Variants in ADGRA2 observed in about 807,000 individuals in gnomAD.
The protein encoded by ADGRA2 is adhesion G protein-coupled receptor A2.
ADGRA2 carries 61 observed loss-of-function variants against 98.7 expected under a neutral mutation model. That is an observed-to-expected ratio of 0.62 (90% confidence interval 0.50 to 0.76). ADGRA2 has a LOEUF of 0.76. ADGRA2 is among the 30% of genes least tolerant of loss of function. The pLI is 0.00. For synonymous variants in ADGRA2, 858 were observed against 831.5 expected, an observed-to-expected ratio of 1.03 and a Z score of -0.55; for missense variants, 1,712 against 1,860.0, an observed-to-expected ratio of 0.92 and a Z score of 1.46.
intron 15 of ADGRA2, 44 bp from the exon 16 acceptor site, chr8:37,839,455 A>C (rs1183939190): frequency 6.2e-7 from 1 of 1,611,188 alleles, no homozygotes; most frequent in Non-Finnish European, 8.5e-7. Context: ...CATGGGCCTG[A>C]CCTTGGGTTG....
At position 37,842,340 on chromosome 8, in the gene ADGRA2, C is replaced by T; in HGVS notation, c.4002C>T (p.Ser1334=). ...GGCMKTGLWK[S]ETTV ...GCATGAAGACCGGACTCTGGAAGAG[C>T]GAAACTACCGTCTAAGGTGGGGCGG... Residue 1334 remains serine (S), a synonymous_variant, in exon 19 of 19, where the codon AGC becomes AGT. Coordinates refer to ENST00000412232, the MANE Select transcript of ADGRA2 (RefSeq NM_032777.10). 1 of 1,500,436 alleles carries T rather than the reference C, an allele frequency of 6.7e-7. No individual in the cohort carries two copies. Among genetic ancestry groups the T allele is most frequent in the Non-Finnish European group, 8.9e-7 (1 of 1,128,936 alleles). 92.9% of individuals were successfully genotyped at this position (1,500,436 alleles called of 1,614,324 possible).
rs190214985 is a variant in ADGRA2 at position 37,803,516 on chromosome 8, C to T, written c.266+5982C>T. Among the ~76,000 whole-genome samples, 17 of 152,292 alleles carry T rather than the reference C, an allele frequency of 1.1e-4. No homozygotes were observed. In the East Asian group the frequency reaches 2.9e-3, roughly 26 times the overall value. ...TTTATTTTCATTCCCCCAGCCCAGC[C>T]GCTCTGTTCTATTTACAGCTCAGAC... On this transcript the variant is annotated intron_variant, in intron 1 of 18. Transcript: ENST00000412232.
intron 8 of ADGRA2, among the ~76,000 whole-genome samples, chr8:37,832,149 T>C (rs1438217769): frequency 1.3e-5 from 2 of 151,946 alleles, no homozygotes; most frequent in African/African-American, 4.8e-5. Flanking sequence ...AGTCTCACTC[T>C]GGAGTGCAAT....
chr8:37,842,513 A>T lies in ADGRA2; in HGVS notation c.*158A>T, dbSNP rs577444821. The T allele has an allele frequency of 8.2e-7, 1 of 1,221,876 alleles. No individual in the cohort carries two copies. The highest frequency in any genetic ancestry group is 1.1e-6 in the Non-Finnish European group (1 of 930,602). 75.7% of individuals were successfully genotyped at this position (1,221,876 alleles called of 1,614,324 possible). A position where few individuals can be genotyped will look rare whatever the true frequency, so the allele number is the denominator to read the frequency against. On this transcript the variant is annotated 3_prime_UTR_variant, in exon 19 of 19. Coordinates refer to ENST00000412232, the MANE Select transcript of ADGRA2 (RefSeq NM_032777.10). ...GATGTTCCCCACTTGCCTAGAGGGC[A>T]TCCCTCTGGGGTAGCGACAGACAAT...
At chr8:37,821,971 C>A (rs936406030) in intron 2 of ADGRA2, among the ~76,000 whole-genome samples, 1 of 152,128 alleles carries the variant, frequency 6.6e-6, no homozygotes, top group African/African-American at 2.4e-5. Flanking sequence ...CCCAACAACA[C>A]TGGGGAGGAA....
chr8:37,821,850 T>C (rs985046223), intron 2 of ADGRA2, among the ~76,000 whole-genome samples: 5 of 152,116 alleles, frequency 3.3e-5, no homozygotes, highest in Non-Finnish European at 5.9e-5. Context: ...CGAACGAAAG[T>C]GGCGGCCTGG....
chr8:37,805,749 A>G (rs1175830485), intron 1 of ADGRA2, among the ~76,000 whole-genome samples: 9 of 152,032 alleles, frequency 5.9e-5, no homozygotes, highest in East Asian at 1.9e-4. Context: ...CGCGCCTGTA[A>G]TCCCAGCTAC....
intron 1 of ADGRA2, among the ~76,000 whole-genome samples, chr8:37,801,873 C>A (rs1310602863): frequency 6.6e-6 from 1 of 152,248 alleles, no homozygotes; most frequent in African/African-American, 2.4e-5. Flanking sequence ...CTTTAAAAAA[C>A]CCGGTTCCTT....
rs776308461 is a variant in ADGRA2 at position 37,838,986 on chromosome 8, G to T, written c.2290G>T (p.Gly764Cys). ...GAGCGCCTTTCCCAGGGAGGTGGGG[G>T]GCGCCGGGGCAGGGCTGCACCCCGT... ...ELSAFPREVG[G>C]AGAGLHPVVY... Residue 764 changes from glycine (G) to cysteine (C), a missense_variant, in exon 15 of 19, where the codon GGC becomes TGC. Physicochemically the swap from Gly to Cys is radical, Grantham distance 159. Transcript: ENST00000412232. The T allele has an allele frequency of 6.3e-7, 1 of 1,577,282 alleles. No homozygotes were observed. Among genetic ancestry groups the T allele is most frequent in the Non-Finnish European group, 8.6e-7 (1 of 1,162,168 alleles).
rs370403083 is a variant in ADGRA2 at position 37,835,543 on chromosome 8, T to C, written c.1834-11T>C. 3 of 1,577,452 alleles carry C rather than the reference T, an allele frequency of 1.9e-6. No homozygotes were observed. The East Asian group carries it at 6.7e-5, about 35-fold the overall frequency. On this transcript the variant is annotated splice_polypyrimidine_tract_variant and intron_variant, in intron 12 of 18. Coordinates refer to ENST00000412232, the MANE Select transcript of ADGRA2 (RefSeq NM_032777.10). ...TCCTGGTGTCTCTGAGGAGCTCCTATGTCCCCCCAGAACAGCGTGGCCCTG... is the reference window on the plus strand; with the variant it reads ...TCCTGGTGTCTCTGAGGAGCTCCTACGTCCCCCCAGAACAGCGTGGCCCTG...
rs1244805063 is a variant in ADGRA2, at chr8:37,835,634, C to T, written c.1914C>T (p.Pro638=). 1.9e-6 allele frequency: 3 copies of T among 1,613,218 alleles called. No homozygotes were observed. Among genetic ancestry groups the T allele is most frequent in the Non-Finnish European group, 1.7e-6 (2 of 1,179,364 alleles). Residue 638 remains proline, a synonymous_variant, in exon 13 of 19, where the codon CCC becomes CCT. Coordinates refer to ENST00000412232, the MANE Select transcript of ADGRA2 (RefSeq NM_032777.10). ...CGGCTGCCCTGGCTCCCCCGGTGCC[C>T]CCAGACTGCACCCTGCAACTGCTCG... ...SLPAALAPPV[P]PDCTLQLLVF...
In ADGRA2 at chr8:37,840,277, T is replaced by C. The variant is rs1156631326; in HGVS notation, c.2657+11T>C. On this transcript the variant is annotated intron_variant, in intron 17 of 18. Coordinates refer to ENST00000412232, the MANE Select transcript of ADGRA2 (RefSeq NM_032777.10). The stretch of plus-strand genomic sequence containing the variant: ...CAGTCCTATGCTCCGGTACATACTT[T>C]CAATTCCAGCTTTGCAATTGGGGAG... 2 of 1,610,792 alleles carry C rather than the reference T, an allele frequency of 1.2e-6. No homozygotes were observed. Among genetic ancestry groups the C allele is most frequent in the Admixed American group, 3.3e-5 (2 of 60,008 alleles).
chr8:37,841,340 G>T lies in ADGRA2; in HGVS notation c.3002G>T (p.Gly1001Val). Residue 1001 changes from glycine (G) to valine (V), a missense_variant, in exon 19 of 19, where the codon GGG becomes GTG. Coordinates refer to ENST00000412232, the MANE Select transcript of ADGRA2 (RefSeq NM_032777.10). The surrounding 1 kb of genome is among the most constrained non-coding windows in gnomAD (Gnocchi z 5.0). ...CTTGCTACTGGGAGCGCGCGAGTGG[G>T]GACGCCCGGGCCCCCGGAGGATGGT... ...SLLATGSARVGTPGPPEDGDS... is the reference protein window; with the variant it reads ...SLLATGSARVVTPGPPEDGDS... 1 of 1,605,916 alleles carries T rather than the reference G, an allele frequency of 6.2e-7. No individual in the cohort carries two copies. The highest frequency in any genetic ancestry group is 1.7e-5 in the Admixed American group (1 of 58,518).
intron 1 of ADGRA2, among the ~76,000 whole-genome samples, chr8:37,803,671 G>A (rs1266964722): frequency 6.6e-6 from 1 of 152,138 alleles, no homozygotes; most frequent in Non-Finnish European, 1.5e-5. Flanking sequence ...GCCGTGGAGT[G>A]TAGGTCACTC....
intron 2 of ADGRA2, among the ~76,000 whole-genome samples, chr8:37,828,157 AAAC>A (rs1296506257): frequency 6.6e-6 from 1 of 151,754 alleles, no homozygotes; most frequent in Admixed American, 6.6e-5. Context: ...AAACAAAACA[AAAC>A]AACTACCCCT....
intron 1 of ADGRA2, among the ~76,000 whole-genome samples, chr8:37,808,951 A>G (rs1303599538): frequency 6.6e-6 from 1 of 151,926 alleles, no homozygotes; most frequent in Non-Finnish European, 1.5e-5. Flanking sequence ...CAGCCTCCAG[A>G]GTAGCTGGGA....
rs531121700 is a variant in ADGRA2 at position 37,808,530 on chromosome 8, G to A, written c.267-6366G>A. On this transcript the variant is annotated intron_variant, in intron 1 of 18. Transcript: ENST00000412232. ...TCCCAGGGGACAGCCTAGAATGGTGGGAACATTTTTCTGCCCATTGGATGA... is the reference window on the plus strand; with the variant it reads ...TCCCAGGGGACAGCCTAGAATGGTGAGAACATTTTTCTGCCCATTGGATGA... 8.6e-5 allele frequency among the ~76,000 whole-genome samples: 13 copies of A among 151,892 alleles called. No homozygotes were observed. The East Asian group carries it at 2.3e-3, about 27-fold the overall frequency.
intron 2 of ADGRA2, among the ~76,000 whole-genome samples, chr8:37,826,040 C>G (rs1805270383): frequency 1.3e-5 from 2 of 152,190 alleles, no homozygotes; most frequent in East Asian, 1.9e-4. Flanking sequence ...GACGCCGCCT[C>G]GCTCCCATCT....
chr8:37,817,430 G>A (rs1805011982), intron 2 of ADGRA2, among the ~76,000 whole-genome samples: 1 of 152,212 alleles, frequency 6.6e-6, no homozygotes, highest in Non-Finnish European at 1.5e-5. Context: ...TCTCCTTGGT[G>A]CCAGGCATGG....
Sources: gnomAD v4.1 joint callset for allele counts (sites outside exome capture counted in the v4.1 genomes callset) on GRCh38, gnomAD v4.1.1 for gene constraint, Gnocchi (gnomAD v3.1) non-coding constraint, MANE v1.5 for transcripts, NCBI Gene and HGNC (gene_info 2026-07-23, HGNC 2026-07-21) for gene names.